Variants in CHD9 observed in about 807,000 individuals in gnomAD.
CHD9 encodes the protein ATP-dependent chromatin remodeler CHD9.
In CHD9, 77 loss-of-function variants were observed where a neutral mutation model predicts 316.1. The observed-to-expected ratio is 0.24, with a 90% CI of 0.20 to 0.29. CHD9 has a LOEUF of 0.29. CHD9 is among the 10% of genes least tolerant of loss of function. The probability of loss-of-function intolerance (pLI) is 1.00; values close to 1 mark genes in which losing one functional copy is unlikely to be tolerated. For synonymous variants in CHD9, 1,129 were observed against 1,158.3 expected (o/e 0.97, Z 0.51); for missense variants, 2,763 against 3,438.1 (o/e 0.80, Z 4.91).
chr16:53,309,554 A>G (rs1379868141), intron 34 of CHD9, among the ~76,000 whole-genome samples: 1 of 152,168 alleles, frequency 6.6e-6, no homozygotes, highest in Non-Finnish European at 1.5e-5. Flanking sequence ...ATATTTATTA[A>G]ATACCTAATT....
chr16:53,103,167 A>G (rs1206494566), intron 1 of CHD9, among the ~76,000 whole-genome samples: 2 of 147,692 alleles, frequency 1.4e-5, no homozygotes, highest in East Asian at 4.0e-4. Context: ...CTTTAAAAAA[A>G]AAAAAAAAGG....
At chr16:53,108,486 C>G (rs961329613) in intron 1 of CHD9, among the ~76,000 whole-genome samples, 1 of 150,822 alleles carries the variant, frequency 6.6e-6, no homozygotes, top group Non-Finnish European at 1.5e-5. Context: ...GCCTGGATAA[C>G]AGAGTGAGAT....
chr16:53,293,224 T>G (rs1233076590), intron 29 of CHD9, among the ~76,000 whole-genome samples, 172 bp downstream of exon 29: 2 of 152,156 alleles, frequency 1.3e-5, no homozygotes. Flanking sequence ...TATGTATGAG[T>G]GTGGTAAAAC....
intron 1 of CHD9, among the ~76,000 whole-genome samples, chr16:53,079,974 G>A (rs1442567704): frequency 1.3e-5 from 2 of 152,184 alleles, no homozygotes; most frequent in Non-Finnish European, 2.9e-5. Context: ...TCTGAGGAGG[G>A]GGGCATGGGG....
intron 20 of CHD9, among the ~76,000 whole-genome samples, chr16:53,264,502 G>GA (rs376967335): frequency 4.1e-4 from 63 of 152,268 alleles, no homozygotes; most frequent in African/African-American, 1.4e-3. Flanking sequence ...CCAAGACAGA[G>GA]AAAGAGAGAG....
intron 2 of CHD9, among the ~76,000 whole-genome samples, chr16:53,188,885 T>C (rs1597356120): frequency 6.6e-6 from 1 of 152,000 alleles, no homozygotes; most frequent in Non-Finnish European, 1.5e-5. Context: ...GTGCCTAGCA[T>C]TGTATCTTTT....
At chr16:53,214,725 A>G (rs1335425383) in intron 3 of CHD9, among the ~76,000 whole-genome samples, 1 of 152,166 alleles carries the variant, frequency 6.6e-6, no homozygotes, top group Non-Finnish European at 1.5e-5. Context: ...GAATCATGCT[A>G]GTAAGGTTTA....
intron 1 of CHD9, among the ~76,000 whole-genome samples, chr16:53,148,300 G>A (rs1235642372): frequency 6.6e-6 from 1 of 152,214 alleles, no homozygotes; most frequent in Non-Finnish European, 1.5e-5. Context: ...CAGAAGTGCA[G>A]TGACGCAGTC....
intron 8 of CHD9, among the ~76,000 whole-genome samples, chr16:53,231,001 C>T (rs2048124230): frequency 6.6e-6 from 1 of 152,054 alleles, no homozygotes; most frequent in Admixed American, 6.5e-5. Context: ...TTTGAGGTAC[C>T]TCAGTAAAGT....
chr16:53,238,638 A>T, intron 12 of CHD9, 52 bp downstream of exon 12: 1 of 1,572,636 alleles, frequency 6.4e-7, no homozygotes, highest in South Asian at 1.1e-5. Flanking sequence ...GCTGAAAAAG[A>T]TAAGCATTAC....
chr16:53,237,837 C>CTGT (rs10660103), intron 11 of CHD9, among the ~76,000 whole-genome samples: 3,269 of 151,664 alleles, frequency 0.022, 46 homozygotes, highest in South Asian at 0.059. Flanking sequence ...GCCTGAGTAT[C>CTGT]TTTTTTTTCA....
At chr16:53,151,344 C>T (rs988428407) in intron 1 of CHD9, among the ~76,000 whole-genome samples, 8 of 151,342 alleles carry the variant, frequency 5.3e-5, no homozygotes, top group Non-Finnish European at 7.4e-5. Context: ...CTCTGCCTCT[C>T]GGGTTCAAGT....
chr16:53,182,039 G>A lies in CHD9; in HGVS notation c.1452+24498G>A, dbSNP rs542077307. Among the ~76,000 whole-genome samples the A allele has an allele frequency of 5.3e-5, 8 of 152,092 alleles. No individual in the cohort carries two copies. The East Asian group carries it at 1.2e-3, about 22-fold the overall frequency. On this transcript the variant is annotated intron_variant, in intron 2 of 38. Coordinates refer to ENST00000447540, the MANE Select transcript of CHD9 (RefSeq NM_001308319.2). ...GGTTGCAGTGAGCCGAGAGTGCACC[G>A]CTGCACTCCAGCCTGGGCAACAGAG...
chr16:53,178,427 C>CTTTTTTTTTTTTTTTTTT (rs10569589), intron 2 of CHD9, among the ~76,000 whole-genome samples: 3 of 98,974 alleles, frequency 3.0e-5, no homozygotes, highest in Non-Finnish European at 6.2e-5. Flanking sequence ...TTGTTGGTTT[C>CTTTTTTTTTTTTTTTTTT]TTTTTTTTTT....
At chr16:53,201,831 G>A (rs2045482068) in intron 2 of CHD9, among the ~76,000 whole-genome samples, 1 of 151,400 alleles carries the variant, frequency 6.6e-6, no homozygotes, top group Admixed American at 6.6e-5. Flanking sequence ...AAAATTTGGG[G>A]GGATCAGTTT....
chr16:53,125,218 A>ATTTTTTTTTTTTTT (rs34096444), intron 1 of CHD9, among the ~76,000 whole-genome samples: 1 of 95,760 alleles, frequency 1.0e-5, no homozygotes, highest in East Asian at 2.9e-4. Context: ...TCAAGTTAGG[A>ATTTTTTTTTTTTTT]TTTTTTTTTT....
chr16:53,277,352 T>A (rs565196458), intron 24 of CHD9, among the ~76,000 whole-genome samples: 24 of 152,018 alleles, frequency 1.6e-4, no homozygotes, highest in African/African-American at 4.8e-4. Context: ...CATGCAAAAA[T>A]CCTTAACAGA....
At chr16:53,246,955 A>G (rs180962064) in intron 15 of CHD9, among the ~76,000 whole-genome samples, 1 of 152,332 alleles carries the variant, frequency 6.6e-6, no homozygotes, top group East Asian at 1.9e-4. Flanking sequence ...TTAAAAATAT[A>G]TGTGTTTACT....
intron 37 of CHD9, among the ~76,000 whole-genome samples, chr16:53,318,954 A>T (rs2153110072): frequency 6.6e-6 from 1 of 152,348 alleles, no homozygotes; most frequent in East Asian, 1.9e-4. Context: ...TGATTGATGA[A>T]ACTAGAATGT....
Sources: allele counts gnomAD v4.1 joint callset (sites outside exome capture counted in the v4.1 genomes callset), GRCh38; gene constraint gnomAD v4.1.1; transcripts MANE v1.5; gene names NCBI Gene and HGNC (gene_info 2026-07-23, HGNC 2026-07-21).